The following ADRA1D variants were observed in gnomAD, a reference collection of about 807,000 sequenced individuals.
ADRA1D encodes the protein alpha-1D adrenergic receptor.
A neutral mutation model predicts 18.6 loss-of-function variants in ADRA1D; 22 were observed. That is an observed-to-expected ratio of 1.19 (90% CI 0.85 to 1.69). ADRA1D has a LOEUF of 1.69. ADRA1D is among the 40% of genes most tolerant of loss of function. ADRA1D has a pLI of 0.00. For missense variants in ADRA1D, 840 were observed against 840.7 expected, an observed-to-expected ratio of 1.00 and a Z score of 0.01; for synonymous variants, 376 against 388.2, an observed-to-expected ratio of 0.97 and a Z score of 0.37.
chr20:4,230,720 T>A lies in ADRA1D; in HGVS notation c.1112-8590A>T, dbSNP rs573838851. The stretch of plus-strand genomic sequence containing the variant: ...TGCTCACAAGGAAACACAACGTTTC[T>A]AGGGCCAGTGCTGTCTTTGTCCTGC... On this transcript the variant is annotated intron_variant, in intron 1 of 1. Coordinates refer to ENST00000379453, the MANE Select transcript of ADRA1D (RefSeq NM_000678.4). Among the ~76,000 whole-genome samples the A allele has an allele frequency of 7.9e-5, 12 of 152,386 alleles. No homozygotes were observed. The South Asian group carries it at 2.5e-3, about 32-fold the overall frequency.
Position 4,248,657 on chromosome 20 carries a change from C to T in ADRA1D, c.301G>A (p.Val101Ile), listed in dbSNP as rs375088671. 2 of 1,605,214 alleles carry T rather than the reference C, an allele frequency of 1.2e-6. No homozygotes were observed. Among genetic ancestry groups the T allele is most frequent in the African/African-American group, 2.7e-5 (2 of 74,720 alleles). The part of the protein sequence containing the change: ...VVSAQGVGVG[V>I]FLAAFILMAV... Reference sequence around the variant, plus strand: ...ATAAGGATGAAGGCTGCCAGGAAGACGCCCACGCCCACGCCCTGCGCGCTC... The same window carrying T: ...ATAAGGATGAAGGCTGCCAGGAAGATGCCCACGCCCACGCCCTGCGCGCTC... The change falls in exon 1 of 2, where the codon GTC (valine) becomes ATC (isoleucine). Residue 101 changes from valine to isoleucine, a missense_variant. Physicochemically the swap from Val to Ile is conservative, Grantham distance 29. Transcript: ENST00000379453.
rs200118427 is a variant in ADRA1D, at chr20:4,221,622, C to G, written c.1620G>C (p.Glu540Asp). ...CGTGTGGGACGCCTAGGGACACAGC[C>G]TCCACCTCTGAGCGCTGGGCGCACG... Reference protein sequence around the residue: ...EAACAQRSEVEAVSLGVPHEV... With the variant: ...EAACAQRSEVDAVSLGVPHEV... Residue 540 changes from glutamate to aspartate, a missense_variant, in exon 2 of 2, where the codon GAG becomes GAC. Physicochemically the swap from Glu to Asp is conservative, Grantham distance 45 (BLOSUM62 2). Transcript: ENST00000379453. The G allele has an allele frequency of 6.9e-5, 112 of 1,613,434 alleles. No individual in the cohort carries two copies. Among genetic ancestry groups the G allele is most frequent in the Non-Finnish European group, 9.1e-5 (107 of 1,179,870 alleles).
At chr20:4,231,038 T>TTCTTTCTTTCTTTCTTTC (rs71332805) in intron 1 of ADRA1D, among the ~76,000 whole-genome samples, 2 of 108,620 alleles carry the variant, frequency 1.8e-5, no homozygotes, top group Admixed American at 9.9e-5. Flanking sequence ...CTTTCTTTCT[T>TTCTTTCTTTCTTTCTTTC]TTTCTTTCTT....
chr20:4,223,635 G>A (rs546480609), intron 1 of ADRA1D, among the ~76,000 whole-genome samples: 1 of 152,166 alleles, frequency 6.6e-6, no homozygotes, highest in Non-Finnish European at 1.5e-5. Flanking sequence ...CTTTACAATG[G>A]TGCAAAAGTG....
chr20:4,248,722 C>CCGCCCG lies in ADRA1D; in HGVS notation c.230_235dup (p.Ala77_Gly78dup). The CCGCCCG allele has an allele frequency of 6.5e-7, 1 of 1,548,098 alleles. No individual in the cohort carries two copies. The highest frequency in any genetic ancestry group is 8.7e-7 in the Non-Finnish European group (1 of 1,146,316). On this transcript the variant is annotated inframe_insertion, in exon 1 of 2. Coordinates refer to ENST00000379453, the MANE Select transcript of ADRA1D (RefSeq NM_000678.4). The stretch of plus-strand genomic sequence containing the variant: ...GACGGCCGCCGTGCCATTCACGTCG[C>CCGCCCG]CGCCCGCGCCCGCGCTCCCCGGCTC...
At chr20:4,235,217 T>C (rs916822211) in intron 1 of ADRA1D, among the ~76,000 whole-genome samples, 1 of 152,076 alleles carries the variant, frequency 6.6e-6, no homozygotes, top group Non-Finnish European at 1.5e-5. Flanking sequence ...ATCCTTGAAC[T>C]ACCTGGGGCT....
intron 1 of ADRA1D, among the ~76,000 whole-genome samples, chr20:4,230,296 C>T (rs1980923615): frequency 6.6e-6 from 1 of 152,206 alleles, no homozygotes; most frequent in Admixed American, 6.5e-5. Context: ...GTCTGTTTTG[C>T]TTGGTGCTGC....
intron 1 of ADRA1D, among the ~76,000 whole-genome samples, chr20:4,246,696 G>A (rs565414379): frequency 1.8e-4 from 27 of 152,250 alleles, no homozygotes; most frequent in Non-Finnish European, 3.7e-4. Context: ...ATTTTGGTTC[G>A]GACAATAATA....
At chr20:4,233,164 A>T (rs1384429507) in intron 1 of ADRA1D, among the ~76,000 whole-genome samples, 3 of 152,226 alleles carry the variant, frequency 2.0e-5, no homozygotes, top group Admixed American at 1.3e-4. Flanking sequence ...ATTTATTTTT[A>T]AAAAAATCAT....
intron 1 of ADRA1D, among the ~76,000 whole-genome samples, chr20:4,238,450 G>A (rs1451025567): frequency 1.3e-5 from 2 of 152,118 alleles, no homozygotes; most frequent in African/African-American, 2.4e-5. Context: ...TGGACATGTC[G>A]ATGTGCTATA....
intron 1 of ADRA1D, among the ~76,000 whole-genome samples, chr20:4,231,899 T>A (rs1980978571): frequency 6.6e-6 from 1 of 152,106 alleles, no homozygotes; most frequent in South Asian, 2.1e-4. Flanking sequence ...CCATCCCACC[T>A]CTGGGTTTTC....
chr20:4,248,210 C>G lies in ADRA1D; in HGVS notation c.748G>C (p.Glu250Gln). The G allele has an allele frequency of 6.3e-7, 1 of 1,595,102 alleles. No individual in the cohort carries two copies. Among genetic ancestry groups the G allele is most frequent in the South Asian group, 1.1e-5 (1 of 88,156 alleles). Reference sequence around the variant, plus strand: ...GAGAAGACAGCGTAGCCCGCCTCCTCGGTGATACCGCAGAAGCGCTCGTCA... The same window carrying G: ...GAGAAGACAGCGTAGCCCGCCTCCTGGGTGATACCGCAGAAGCGCTCGTCA... ...PPDERFCGIT[E>Q]EAGYAVFSSV... The change falls in exon 1 of 2, where the codon GAG (glutamate) becomes CAG (glutamine). Residue 250 changes from glutamate (E) to glutamine (Q), a missense_variant. Physicochemically the swap from Glu to Gln is conservative, Grantham distance 29. Coordinates refer to ENST00000379453, the MANE Select transcript of ADRA1D (RefSeq NM_000678.4).
Position 4,230,986 on chromosome 20 carries a change from A to G in ADRA1D, c.1112-8856T>C, listed in dbSNP as rs529045366. Reference sequence around the variant, plus strand: ...GACTCTTGGTTTCTTGAAGGCAGGTATGGGACTCTTTCTTTCCTTCTTTGC... The same window carrying G: ...GACTCTTGGTTTCTTGAAGGCAGGTGTGGGACTCTTTCTTTCCTTCTTTGC... On this transcript the variant is annotated intron_variant, in intron 1 of 1. Transcript: ENST00000379453. Among the ~76,000 whole-genome samples, 17 of 152,120 alleles carry G rather than the reference A, an allele frequency of 1.1e-4. No individual in the cohort carries two copies. In the South Asian group the frequency reaches 3.3e-3, roughly 30 times the overall value.
chr20:4,245,085 G>A (rs1981303865), intron 1 of ADRA1D, among the ~76,000 whole-genome samples: 1 of 152,244 alleles, frequency 6.6e-6, no homozygotes, highest in African/African-American at 2.4e-5. Context: ...ATTAAGGGAT[G>A]ACTTCCTGGA....
chr20:4,231,677 G>A (rs1278263006), intron 1 of ADRA1D, among the ~76,000 whole-genome samples: 2 of 152,148 alleles, frequency 1.3e-5, no homozygotes, highest in East Asian at 1.9e-4. Flanking sequence ...ATGGCATCCC[G>A]CTTTGCAGAA....
At chr20:4,225,428 C>CTTT (rs11474446) in intron 1 of ADRA1D, among the ~76,000 whole-genome samples, 9,270 of 119,460 alleles carry the variant, frequency 0.078, 1,318 homozygotes, top group African/African-American at 0.24. Context: ...TTTTTTCTTT[C>CTTT]TTTTTTTTTT....
chr20:4,246,792 T>C (rs1981345474), intron 1 of ADRA1D, among the ~76,000 whole-genome samples: 1 of 152,198 alleles, frequency 6.6e-6, no homozygotes, highest in Non-Finnish European at 1.5e-5. Context: ...GGGCTTTTAA[T>C]AGGAGAGTGA....
chr20:4,246,400 C>T (rs930149270), intron 1 of ADRA1D, among the ~76,000 whole-genome samples: 1 of 152,062 alleles, frequency 6.6e-6, no homozygotes, highest in Non-Finnish European at 1.5e-5. Flanking sequence ...TAAGCCAAGA[C>T]CTAAAGGATA....
chr20:4,221,720 T>G lies in ADRA1D; in HGVS notation c.1522A>C (p.Thr508Pro). ...RLLGPFRRPTTQLRAKVSSLS... is the reference protein window; with the variant it reads ...RLLGPFRRPTPQLRAKVSSLS... ...CTGGAGACTTTGGCGCGCAGCTGGG[T>G]CGTGGGTCTCCGGAACGGCCCCAGC... is the stretch of plus-strand genomic sequence containing the variant. The change falls in exon 2 of 2, where the codon ACC becomes CCC. Residue 508 changes from threonine to proline, a missense_variant. By Grantham distance (38) the Thr-to-Pro change is conservative. Coordinates refer to ENST00000379453, the MANE Select transcript of ADRA1D (RefSeq NM_000678.4). 1 of 1,608,444 alleles carries G rather than the reference T, an allele frequency of 6.2e-7. No homozygotes were observed. Among genetic ancestry groups the G allele is most frequent in the South Asian group, 1.1e-5 (1 of 90,976 alleles).
Sources: allele counts gnomAD v4.1 joint callset (sites outside exome capture counted in the v4.1 genomes callset), GRCh38; gene constraint gnomAD v4.1.1; transcripts MANE v1.5; gene names NCBI Gene and HGNC (gene_info 2026-07-23, HGNC 2026-07-21).